CCDC3: variants seen among roughly 807,000 people sequenced by gnomAD.
The protein encoded by CCDC3 is coiled-coil domain-containing protein 3.
A neutral mutation model predicts 21.4 loss-of-function variants in CCDC3; 24 were observed. The ratio of observed to expected loss-of-function variants is 1.12; its 90% CI spans 0.81 to 1.58. The LOEUF (loss-of-function observed/expected upper bound fraction) is 1.58, where lower values mean the gene tolerates loss of function less well. CCDC3 is among the 40% of genes most tolerant of loss of function. CCDC3 has a pLI of 0.00. For synonymous variants in CCDC3, 186 were observed against 166.0 expected (o/e 1.12, Z -0.93); for missense variants, 425 against 360.9 (o/e 1.18, Z -1.44).
intron 3 of CCDC3, among the ~76,000 whole-genome samples, chr10:13,087,129 G>T (rs1282728567): frequency 6.6e-6 from 1 of 152,182 alleles, no homozygotes; most frequent in African/African-American, 2.4e-5. Context: ...ACAAGGCCGG[G>T]CATGGTGGCT....
intron 3 of CCDC3, among the ~76,000 whole-genome samples, chr10:13,085,477 C>T (rs1173457998): frequency 6.6e-6 from 1 of 152,286 alleles, no homozygotes; most frequent in Admixed American, 6.5e-5. Flanking sequence ...GATTTTCAGT[C>T]CAAAGCATTC....
Position 12,978,494 on chromosome 10 carries a change from C to T in CCDC3, c.549+19844G>A, listed in dbSNP as rs542321392. ...AGCAGAACCTTGGGGTTACATGACA[C>T]GGTCAAGGGAGTATTCAGGAAGCAG... On this transcript the variant is annotated intron_variant, in intron 2 of 2. Coordinates refer to ENST00000378825, the MANE Select transcript of CCDC3 (RefSeq NM_031455.4). Among the ~76,000 whole-genome samples the T allele has an allele frequency of 9.2e-5, 14 of 152,216 alleles. No homozygotes were observed. In the South Asian group the frequency reaches 2.5e-3, roughly 27 times the overall value.
At chr10:13,004,806 T>C (rs528082147), upstream of CCDC3, among the ~76,000 whole-genome samples, 1 of 152,128 alleles carries the variant, frequency 6.6e-6, no homozygotes, top group African/African-American at 2.4e-5. Context: ...TATGGGCTCA[T>C]TGAGTAAGCA....
At chr10:12,911,325 G>C (rs2131204309) in intron 2 of CCDC3, among the ~76,000 whole-genome samples, 1 of 152,168 alleles carries the variant, frequency 6.6e-6, no homozygotes, top group African/African-American at 2.4e-5. Flanking sequence ...CATAGCCCTA[G>C]TGCCTAATAC....
chr10:13,072,047 T>C (rs1269168205), intron 4 of CCDC3, among the ~76,000 whole-genome samples: 1 of 152,166 alleles, frequency 6.6e-6, no homozygotes, highest in Non-Finnish European at 1.5e-5. Flanking sequence ...GTTTCATTTT[T>C]TATTTTTTTA....
chr10:13,018,940 A>G (rs1314690519), intron 5 of CCDC3, among the ~76,000 whole-genome samples: 1 of 151,540 alleles, frequency 6.6e-6, no homozygotes, highest in Admixed American at 6.6e-5. Flanking sequence ...TCTGTCTCAA[A>G]AAAGGAAAAA....
chr10:12,973,752 CT>C, intron 2 of CCDC3, among the ~76,000 whole-genome samples: 1 of 151,662 alleles, frequency 6.6e-6, no homozygotes, highest in African/African-American at 2.4e-5. Flanking sequence ...GGTTTTATAA[CT>C]CCACGGCCTT....
intron 3 of CCDC3, chr10:13,074,153 A>ATATATATATATTTTTTTT (rs1365749317): frequency 3.1e-5 from 2 of 64,308 alleles, no homozygotes; most frequent in East Asian, 5.7e-4. Flanking sequence ...ATATATATAT[A>ATATATATATATTTTTTTT]TTTTTTTTTT....
chr10:12,937,396 G>C (rs1220937869), intron 2 of CCDC3, among the ~76,000 whole-genome samples: 1 of 152,138 alleles, frequency 6.6e-6, no homozygotes, highest in Non-Finnish European at 1.5e-5. Context: ...AGTACTAGCA[G>C]TACCTGAGAT....
chr10:13,071,871 T>C lies in CCDC3; in HGVS notation c.-270+1997A>G, dbSNP rs149659538. On this transcript the variant is annotated intron_variant, in intron 4 of 6. Transcript: ENST00000378839. ...CCTTCTTTTTCCTTTTTTTTTCCTC[T>C]GTCCTCTCTTCAGTGATATATAATG... 8.3e-3 allele frequency among the ~76,000 whole-genome samples: 1,262 copies of C among 152,188 alleles called. 24 individuals are homozygous for C. Among genetic ancestry groups the C allele is most frequent in the African/African-American group, 0.029 (1,194 of 41,510 alleles).
In CCDC3 at chr10:13,042,906, CAAA is replaced by C. The variant is rs55911312; in HGVS notation, c.-2+6765_-2+6767del. Among the ~76,000 whole-genome samples, 378 of 100,414 alleles carry C rather than the reference CAAA, an allele frequency of 3.8e-3. 2 individuals are homozygous for C. The highest frequency in any genetic ancestry group is 0.014 in the African/African-American group (337 of 23,938). 65.9% of individuals were successfully genotyped at this position (100,414 alleles called of 152,430 possible). On this transcript the variant is annotated intron_variant, in intron 5 of 6. Transcript: ENST00000378839. Reference sequence around the variant, plus strand: ...CCTGGGCGACAGAGGGAGACTGTCTCAAAAAAAAAAAAAAAAAAAAAGAAAAGA... The same window carrying C: ...CCTGGGCGACAGAGGGAGACTGTCTCAAAAAAAAAAAAAAAAAAGAAAAGA...
intron 2 of CCDC3, among the ~76,000 whole-genome samples, chr10:12,944,289 C>T (rs936021910): frequency 3.3e-5 from 5 of 152,204 alleles, no homozygotes; most frequent in East Asian, 1.9e-4. Context: ...TTCTCTCTGA[C>T]GCCTGCTACC....
intron 2 of CCDC3, among the ~76,000 whole-genome samples, chr10:12,931,335 A>G (rs191989201): frequency 3.9e-4 from 59 of 152,294 alleles, no homozygotes; most frequent in African/African-American, 1.3e-3. Context: ...ACTATTTACA[A>G]TGTACAGCAG....
chr10:12,901,221 C>G (rs1834087271), intron 2 of CCDC3, among the ~76,000 whole-genome samples: 1 of 152,022 alleles, frequency 6.6e-6, no homozygotes, highest in Non-Finnish European at 1.5e-5. Context: ...AGGTATTAAT[C>G]CCAGGAGCAT....
At chr10:12,923,780 G>C (rs375955600) in intron 2 of CCDC3, among the ~76,000 whole-genome samples, 2 of 152,110 alleles carry the variant, frequency 1.3e-5, no homozygotes, top group Non-Finnish European at 2.9e-5. Context: ...GCAGGTACTC[G>C]GTACATTTTA....
chr10:12,931,257 G>A (rs1260905179), intron 2 of CCDC3, among the ~76,000 whole-genome samples: 4 of 147,956 alleles, frequency 2.7e-5, no homozygotes, highest in Admixed American at 6.8e-5. Context: ...CAAGTCTGCC[G>A]TATTCATAAG....
At chr10:13,049,221 A>G (rs991945529) in intron 5 of CCDC3, among the ~76,000 whole-genome samples, 3 of 152,228 alleles carry the variant, frequency 2.0e-5, no homozygotes, top group African/African-American at 7.2e-5. Flanking sequence ...GAATAAGGAG[A>G]TCAGTTAGAT....
intron 2 of CCDC3, among the ~76,000 whole-genome samples, chr10:12,912,287 C>G (rs925615681): frequency 6.6e-6 from 1 of 152,204 alleles, no homozygotes; most frequent in Admixed American, 6.5e-5. Context: ...CTCACCAACA[C>G]TTATCTTTTG....
At chr10:13,090,087 CTTTCTTTTTTTTTT>C (rs1484381467) in intron 3 of CCDC3, among the ~76,000 whole-genome samples, 1 of 117,910 alleles carries the variant, frequency 8.5e-6, no homozygotes, top group East Asian at 2.7e-4. Flanking sequence ...ATCACCGTTT[CTTTCTTTTTTTTTT>C]TTTTTTGTGT....
Sources: gnomAD v4.1 joint callset for allele counts (sites outside exome capture counted in the v4.1 genomes callset) on GRCh38, gnomAD v4.1.1 for gene constraint, MANE v1.5 for transcripts, NCBI Gene and HGNC (gene_info 2026-07-23, HGNC 2026-07-21) for gene names.